CDH4: variants seen among roughly 807,000 people sequenced by gnomAD.
CDH4 encodes the protein cadherin-4.
CDH4 carries 33 observed loss-of-function variants against 86.0 expected under a neutral mutation model. That is an observed-to-expected ratio of 0.38 (90% CI 0.29 to 0.51). CDH4 has a LOEUF of 0.51. Ranked by LOEUF, CDH4 falls within the 20% of genes least tolerant of loss-of-function variation. CDH4 has a pLI of 0.86. For synonymous variants in CDH4, 555 were observed against 549.4 expected (o/e 1.01, Z -0.14); for missense variants, 1,114 against 1,307.4 (o/e 0.85, Z 2.28).
At chr20:61,513,888 C>T (rs1242802042) in intron 2 of CDH4, among the ~76,000 whole-genome samples, 1 of 152,150 alleles carries the variant, frequency 6.6e-6, no homozygotes. Flanking sequence ...ATCTGGGGTC[C>T]ACTTGCCCAG....
At chr20:61,274,677 A>T (rs1383977456) in intron 2 of CDH4, among the ~76,000 whole-genome samples, 16 of 74,516 alleles carry the variant, frequency 2.1e-4, no homozygotes, top group South Asian at 4.8e-4. Flanking sequence ...GGGAATACCG[A>T]GTGCAGTTTG....
At chr20:61,934,378 G>A (rs574754965) in intron 15 of CDH4, among the ~76,000 whole-genome samples, 158 bp downstream of exon 15, 103 of 152,340 alleles carry the variant, frequency 6.8e-4, no homozygotes, top group African/African-American at 2.4e-3. Flanking sequence ...CCCCTCCAGC[G>A]GGGTGGCCTG....
intron 2 of CDH4, among the ~76,000 whole-genome samples, chr20:61,627,931 C>T (rs989923049): frequency 3.9e-5 from 6 of 152,078 alleles, no homozygotes; most frequent in Non-Finnish European, 7.4e-5. Flanking sequence ...GCAGGCCAGC[C>T]GCCTCCTGGG....
Position 61,518,290 on chromosome 20 carries a change from C to T in CDH4, c.170-225273C>T, listed in dbSNP as rs1464454733. On this transcript the variant is annotated intron_variant, in intron 2 of 15. Coordinates refer to ENST00000614565, the MANE Select transcript of CDH4 (RefSeq NM_001794.5). The surrounding 1 kb of genome is among the most constrained non-coding windows in gnomAD (Gnocchi z 6.3). Reference sequence around the variant, plus strand: ...ATAATTCCCACTATAAAGTGGAGGACTCCCAGGTGCAGAGATGGGCTCTTA... The same window carrying T: ...ATAATTCCCACTATAAAGTGGAGGATTCCCAGGTGCAGAGATGGGCTCTTA... Among the ~76,000 whole-genome samples the T allele has an allele frequency of 6.6e-6, 1 of 152,136 alleles. No homozygotes were observed. Among genetic ancestry groups the T allele is most frequent in the African/African-American group, 2.4e-5 (1 of 41,420 alleles).
In CDH4 at chr20:61,623,913, G is replaced by A. The variant is rs1027770718; in HGVS notation, c.170-119650G>A. ...GAGGAACACCCCAGAATCTGAGGAG[G>A]AAAGACACGGTTCCTAGAGCGAGGA... On this transcript the variant is annotated intron_variant, in intron 2 of 15. Transcript: ENST00000614565. The surrounding 1 kb of genome is among the most constrained non-coding windows in gnomAD (Gnocchi z 4.4). Among the ~76,000 whole-genome samples the A allele has an allele frequency of 3.8e-4, 58 of 151,262 alleles. No homozygotes were observed. The highest frequency in any genetic ancestry group is 8.0e-4 in the Non-Finnish European group (54 of 67,860).
chr20:61,673,738 A>T (rs990343639), intron 2 of CDH4, among the ~76,000 whole-genome samples: 2 of 152,256 alleles, frequency 1.3e-5, no homozygotes, highest in Admixed American at 1.3e-4. Flanking sequence ...TTCAAGAGAC[A>T]TCATGAAATA....
intron 2 of CDH4, among the ~76,000 whole-genome samples, chr20:61,634,764 T>C (rs2086929935): frequency 6.6e-6 from 1 of 152,200 alleles, no homozygotes; most frequent in Non-Finnish European, 1.5e-5. Context: ...CCTCCAGAAT[T>C]CTTTTTCCTA....
At chr20:61,499,014 G>C (rs2085681503) in intron 2 of CDH4, among the ~76,000 whole-genome samples, 1 of 152,184 alleles carries the variant, frequency 6.6e-6, no homozygotes, top group Admixed American at 6.5e-5. Flanking sequence ...AGGAGATGGG[G>C]GCGTATTGTG....
intron 6 of CDH4, among the ~76,000 whole-genome samples, chr20:61,856,064 C>T (rs769955707): frequency 1.3e-5 from 2 of 152,144 alleles, no homozygotes; most frequent in East Asian, 1.9e-4. Context: ...CTCTCAGTGG[C>T]GGTCTTCCCA....
chr20:61,578,933 G>A (rs146420856), intron 2 of CDH4, among the ~76,000 whole-genome samples: 9 of 152,220 alleles, frequency 5.9e-5, no homozygotes, highest in East Asian at 1.9e-4. Context: ...TCATCCATTC[G>A]GTCTTGTGGG....
intron 3 of CDH4, among the ~76,000 whole-genome samples, chr20:61,760,545 C>T (rs2088622015): frequency 6.6e-6 from 1 of 152,266 alleles, no homozygotes; most frequent in Admixed American, 6.5e-5. Flanking sequence ...GTCGTGCAAC[C>T]TCCCTGGGTA....
At chr20:61,375,507 G>T (rs1024835359) in intron 2 of CDH4, among the ~76,000 whole-genome samples, 1 of 151,962 alleles carries the variant, frequency 6.6e-6, no homozygotes, top group African/African-American at 2.4e-5. Context: ...TCTTGGTGGT[G>T]GTGATGATGG....
chr20:61,720,470 G>T (rs906158721), intron 2 of CDH4, among the ~76,000 whole-genome samples: 1 of 147,988 alleles, frequency 6.8e-6, no homozygotes, highest in Admixed American at 6.8e-5. Flanking sequence ...GGGTGAAGGG[G>T]TGGAGAATGC....
At chr20:61,256,445 G>C (rs548746957) in intron 2 of CDH4, among the ~76,000 whole-genome samples, 34 of 152,310 alleles carry the variant, frequency 2.2e-4, no homozygotes, top group African/African-American at 7.9e-4. Context: ...ACAACGCAGC[G>C]TGAGATTTCA....
At chr20:61,454,043 C>A (rs1340067245) in intron 2 of CDH4, among the ~76,000 whole-genome samples, 1 of 152,190 alleles carries the variant, frequency 6.6e-6, no homozygotes, top group Non-Finnish European at 1.5e-5. Context: ...TCAATTAAAC[C>A]TCTTTCTTTT....
intron 2 of CDH4, among the ~76,000 whole-genome samples, chr20:61,634,123 T>TCTAACTCAGG (rs2086922961): frequency 6.6e-6 from 1 of 152,140 alleles, no homozygotes. Context: ...CAGTGGGTTG[T>TCTAACTCAGG]TTAGGATTAA....
At chr20:61,482,539 G>A (rs1207748726) in intron 2 of CDH4, among the ~76,000 whole-genome samples, 4 of 152,190 alleles carry the variant, frequency 2.6e-5, no homozygotes, top group Admixed American at 2.6e-4. Context: ...GGTGGAGCCT[G>A]AGACCTAGTT....
rs560206311 is a variant in CDH4 at position 61,269,101 on chromosome 20, T to C, written c.169+14164T>C. 6.6e-6 allele frequency among the ~76,000 whole-genome samples: 1 copy of C among 152,324 alleles called. No homozygotes were observed. The highest frequency in any genetic ancestry group is 2.1e-4 in the South Asian group (1 of 4,832). On this transcript the variant is annotated intron_variant, in intron 2 of 15. Transcript: ENST00000614565. The surrounding 1 kb of genome is among the most constrained non-coding windows in gnomAD (Gnocchi z 5.3). ...TTGAGGGGTTAACAGCACCACTGTC[T>C]GTTGTTCTGGTCCACTGATGGAGCC...
intron 2 of CDH4, among the ~76,000 whole-genome samples, chr20:61,317,967 A>G (rs1049562691): frequency 5.3e-5 from 8 of 152,208 alleles, no homozygotes; most frequent in Non-Finnish European, 8.8e-5. Flanking sequence ...CACTTATTGG[A>G]GGAAAACGCC....
Sources: gnomAD v4.1 joint callset for allele counts (sites outside exome capture counted in the v4.1 genomes callset) on GRCh38, gnomAD v4.1.1 for gene constraint, Gnocchi (gnomAD v3.1) non-coding constraint, MANE v1.5 for transcripts, NCBI Gene and HGNC (gene_info 2026-07-23, HGNC 2026-07-21) for gene names.